Variants in ISL2 observed in about 807,000 individuals in gnomAD.
The protein encoded by ISL2 is insulin gene enhancer protein ISL-2.
In ISL2, 17 loss-of-function variants were observed where a neutral mutation model predicts 34.6. That is an observed-to-expected ratio of 0.49 (90% CI 0.34 to 0.74). The LOEUF is 0.74. Ranked by LOEUF, ISL2 falls within the 30% of genes least tolerant of loss-of-function variation. The probability of loss-of-function intolerance (pLI) is 0.01; values close to 1 mark genes in which losing one functional copy is unlikely to be tolerated. For synonymous variants in ISL2, 232 were observed against 225.5 expected (o/e 1.03, Z -0.26); for missense variants, 469 against 515.2 (o/e 0.91, Z 0.87).
At chr15:76,337,723 C>G (rs770735031) in intron 1 of ISL2, 55 bp from the exon 2 acceptor site, 29 of 1,468,680 alleles carry the variant, frequency 2.0e-5, no homozygotes, top group Non-Finnish European at 2.5e-5. Flanking sequence ...GTAGCCGAGG[C>G]CGGCCTGGGT....
In ISL2 at chr15:76,341,762, G is replaced by A. The variant is rs1448195746; in HGVS notation, c.1007G>A (p.Ser336Asn). Reference protein sequence around the residue: ...ESGSLGNSSGSDVTSLSSQLP... With the variant: ...ESGSLGNSSGNDVTSLSSQLP... ...GGCTCCCTAGGCAACTCCTCCGGCA[G>A]CGACGTGACCTCCCTGTCCTCGCAG... is the stretch of plus-strand genomic sequence containing the variant. The change falls in exon 6 of 6, where the codon AGC (serine) becomes AAC (asparagine). Residue 336 changes from serine (S) to asparagine (N), a missense_variant. Physicochemically the swap from Ser to Asn is conservative, Grantham distance 46 (BLOSUM62 1). Coordinates refer to ENST00000290759, the MANE Select transcript of ISL2 (RefSeq NM_145805.3). 2.5e-6 allele frequency: 4 copies of A among 1,614,004 alleles called. No individual in the cohort carries two copies. Among genetic ancestry groups the A allele is most frequent in the Non-Finnish European group, 3.4e-6 (4 of 1,180,004 alleles).
At chr15:76,336,994 C>A (rs2040155271) in intron 1 of ISL2, 53 bp downstream of exon 1, 3 of 1,483,184 alleles carry the variant, frequency 2.0e-6, no homozygotes, top group Middle Eastern at 1.7e-4. Context: ...GCTTAATATG[C>A]AAAATTTCTA....
In ISL2 at chr15:76,336,808, A is replaced by T. The variant is rs987237009; in HGVS notation, c.-76A>T. The T allele has an allele frequency of 1.6e-5, 22 of 1,337,460 alleles. No individual in the cohort carries two copies. Among genetic ancestry groups the T allele is most frequent in the Middle Eastern group, 1.8e-4 (1 of 5,502 alleles). The allele number at this position is 1,337,460 out of a possible 1,614,324, so 82.8% of individuals were successfully genotyped here. A position where few individuals can be genotyped will look rare whatever the true frequency, so the allele number is the denominator to read the frequency against. On this transcript the variant is annotated 5_prime_UTR_variant, in exon 1 of 6. Coordinates refer to ENST00000290759, the MANE Select transcript of ISL2 (RefSeq NM_145805.3). ...CGCGGGGCAGTAGGAGTTAGTTAGC[A>T]AAGAGCCGAGGCCGGGCGCGCGACC... is the stretch of plus-strand genomic sequence containing the variant.
In ISL2 at chr15:76,341,296, C is replaced by G; in HGVS notation, c.958C>G (p.Gln320Glu). The change falls in exon 5 of 6, where the codon CAG (glutamine) becomes GAG (glutamate). Residue 320 changes from glutamine to glutamate, a missense_variant. Transcript: ENST00000290759. ...CGACCTGGACCAACCCGCCTTCCAACAGCTGGTGAGGCCCTGCCCTACCCG... is the reference window on the plus strand; with the variant it reads ...CGACCTGGACCAACCCGCCTTCCAAGAGCTGGTGAGGCCCTGCCCTACCCG... ...QSDLDQPAFQ[Q>E]LVSFSESGSL... 6.3e-7 allele frequency: 1 copy of G among 1,596,650 alleles called. No homozygotes were observed. Among genetic ancestry groups the G allele is most frequent in the Non-Finnish European group, 8.5e-7 (1 of 1,171,054 alleles).
chr15:76,341,628 A>G (rs1460405072), intron 5 of ISL2, 91 bp from the exon 6 acceptor site: 9 of 1,015,006 alleles, frequency 8.9e-6, no homozygotes, highest in Admixed American at 1.7e-5. Context: ...CCGGTCCCCA[A>G]GGGACACTTT....
chr15:76,338,594 C>A, intron 3 of ISL2, 80 bp downstream of exon 3: 5 of 1,257,852 alleles, frequency 4.0e-6, no homozygotes, highest in Non-Finnish European at 5.0e-6. Context: ...GTGTCCCTAA[C>A]GAGAAGTTGT....
At chr15:76,341,054 G>C in intron 4 of ISL2, 80 bp from the exon 5 acceptor site, 3 of 1,340,832 alleles carry the variant, frequency 2.2e-6, no homozygotes, top group Non-Finnish European at 2.0e-6. Context: ...AATCACTCAA[G>C]GCCTGGAGCT....
At chr15:76,339,579 C>T in intron 3 of ISL2, 6 of 985,544 alleles carry the variant, frequency 6.1e-6, no homozygotes, top group Non-Finnish European at 7.2e-6. Context: ...TGGGGCCAAG[C>T]GAGGAGAGTG....
At chr15:76,338,584 G>T in intron 3 of ISL2, 70 bp downstream of exon 3, 1 of 1,263,974 alleles carries the variant, frequency 7.9e-7, no homozygotes. Flanking sequence ...GGGTACGCTT[G>T]TGTCCCTAAC....
chr15:76,341,272 G>C lies in ISL2; in HGVS notation c.934G>C (p.Asp312His), dbSNP rs1290758939. ...GCTCAGCGAGTTTGCCCTCCAGAGC[G>C]ACCTGGACCAACCCGCCTTCCAACA... The part of the protein sequence containing the change: ...KALSEFALQS[D>H]LDQPAFQQLV... The change falls in exon 5 of 6, where the codon GAC becomes CAC. Residue 312 changes from aspartate to histidine, a missense_variant. Asp to His is a moderately conservative substitution (Grantham distance 81). Coordinates refer to ENST00000290759, the MANE Select transcript of ISL2 (RefSeq NM_145805.3). The C allele has an allele frequency of 5.0e-6, 8 of 1,607,716 alleles. No homozygotes were observed. Among genetic ancestry groups the C allele is most frequent in the Admixed American group, 1.7e-5 (1 of 59,422 alleles).
chr15:76,341,799 C>G lies in ISL2; in HGVS notation c.1044C>G (p.Thr348=). ...VTSLSSQLPD[T]PNSMVPSPVE... is the part of the protein sequence containing the mutation. ...CCCTGTCCTCGCAGCTCCCGGACAC[C>G]CCCAACAGTATGGTGCCGAGTCCCG... is the stretch of plus-strand genomic sequence containing the variant. Residue 348 remains threonine, a synonymous_variant, in exon 6 of 6, where the codon ACC becomes ACG. Transcript: ENST00000290759. 2 of 1,613,794 alleles carry G rather than the reference C, an allele frequency of 1.2e-6. No homozygotes were observed. Among genetic ancestry groups the G allele is most frequent in the Non-Finnish European group, 1.7e-6 (2 of 1,179,954 alleles).
Position 76,337,810 on chromosome 15 carries a change from G to A in ISL2, c.91G>A (p.Gly31Arg), listed in dbSNP as rs764057190. 8.1e-6 allele frequency: 13 copies of A among 1,608,020 alleles called. No homozygotes were observed. The highest frequency in any genetic ancestry group is 6.6e-5 in the South Asian group (6 of 90,466). Reference protein sequence around the residue: ...KPGTAMCVGCGSQIHDQFILR... With the variant: ...KPGTAMCVGCRSQIHDQFILR... ...CGGGACGGCCATGTGCGTGGGCTGC[G>A]GGAGTCAGATCCACGACCAGTTTAT... The change falls in exon 2 of 6, where the codon GGG becomes AGG. Residue 31 changes from glycine (G) to arginine (R), a missense_variant. By Grantham distance (125) the Gly-to-Arg change is moderately radical. Coordinates refer to ENST00000290759, the MANE Select transcript of ISL2 (RefSeq NM_145805.3).
chr15:76,340,945 T>A (rs573135852), intron 4 of ISL2, among the ~76,000 whole-genome samples, 189 bp from the exon 5 acceptor site: 2 of 152,360 alleles, frequency 1.3e-5, no homozygotes, highest in Admixed American at 1.3e-4. Context: ...GGCTGACCTA[T>A]CGTGGCAAGT....
chr15:76,341,377 G>T, intron 5 of ISL2, 76 bp downstream of exon 5: 3 of 1,421,036 alleles, frequency 2.1e-6, no homozygotes, highest in South Asian at 1.4e-5. Flanking sequence ...TGGCAGAGAG[G>T]GGAGGGGGTG....
rs565865862 is a variant in ISL2, at chr15:76,338,110, G to C, written c.249-142G>C. 4 of 1,350,808 alleles carry C rather than the reference G, an allele frequency of 3.0e-6. No homozygotes were observed. The South Asian group carries it at 4.8e-5, about 16-fold the overall frequency. 83.7% of individuals were successfully genotyped at this position (1,350,808 alleles called of 1,614,324 possible). On this transcript the variant is annotated intron_variant, in intron 2 of 5. Transcript: ENST00000290759. ...GCACGGGTGCCGCAGCGCTCCCCCG[G>C]GCCCGGGAATGCCCGCAGGCGGGTC...
In ISL2 at chr15:76,340,287, G is replaced by C. The variant is rs763880132; in HGVS notation, c.523G>C (p.Gly175Arg). ...RGLHLPDAGS[G>R]RQPALRPHVH... ...CCCTGTCCTGGCAGACGCTGGGTCG[G>C]GCCGGCAGCCCGCGTTGCGCCCGCA... Residue 175 changes from glycine (G) to arginine (R), a missense_variant, in exon 4 of 6, where the codon GGC becomes CGC. Physicochemically the swap from Gly to Arg is moderately radical, Grantham distance 125. Coordinates refer to ENST00000290759, the MANE Select transcript of ISL2 (RefSeq NM_145805.3). 1.2e-6 allele frequency: 2 copies of C among 1,604,652 alleles called. No homozygotes were observed. Among genetic ancestry groups the C allele is most frequent in the East Asian group, 4.5e-5 (2 of 44,764 alleles).
intron 1 of ISL2, among the ~76,000 whole-genome samples, chr15:76,337,248 GTTGT>G (rs1438394991): frequency 6.8e-6 from 1 of 146,750 alleles, no homozygotes; most frequent in African/African-American, 2.5e-5. Flanking sequence ...TTTTTTGGTT[GTTGT>G]TTGTTTGCCT....
intron 4 of ISL2, 125 bp downstream of exon 4, chr15:76,340,684 A>G (rs1025418322): frequency 3.2e-5 from 26 of 816,264 alleles, no homozygotes; most frequent in Non-Finnish European, 4.8e-5. Context: ...CAGATGGTGT[A>G]TGTCTGTACC....
In ISL2 at chr15:76,337,628, C is replaced by A. The variant is rs1255428590; in HGVS notation, c.59-150C>A. 1.1e-5 allele frequency: 7 copies of A among 659,102 alleles called. No individual in the cohort carries two copies. The East Asian group carries it at 2.2e-4, about 21-fold the overall frequency. 40.8% of individuals were successfully genotyped at this position (659,102 alleles called of 1,614,324 possible). On this transcript the variant is annotated intron_variant, in intron 1 of 5. Coordinates refer to ENST00000290759, the MANE Select transcript of ISL2 (RefSeq NM_145805.3). ...GGTTTTTCGTTTCCAATGCCCTGGA[C>A]CTTTAGAGAGCTCATCATCTTTCCT... is the stretch of plus-strand genomic sequence containing the variant.
Sources: gnomAD v4.1 joint callset for allele counts (sites outside exome capture counted in the v4.1 genomes callset) on GRCh38, gnomAD v4.1.1 for gene constraint, MANE v1.5 for transcripts, NCBI Gene and HGNC (gene_info 2026-07-23, HGNC 2026-07-21) for gene names.